ALPK2: variants seen among roughly 807,000 people sequenced by gnomAD.
ALPK2 encodes alpha-protein kinase 2.
ALPK2 carries 127 observed loss-of-function variants against 163.1 expected under a neutral mutation model. That is an observed-to-expected ratio of 0.78 (90% confidence interval 0.67 to 0.90). The LOEUF (loss-of-function observed/expected upper bound fraction) is 0.90. ALPK2 is among the 40% of genes least tolerant of loss of function. ALPK2 has a pLI of 0.00. For synonymous variants in ALPK2, 953 were observed against 959.1 expected, an observed-to-expected ratio of 0.99 and a Z score of 0.12; for missense variants, 2,360 against 2,589.6, an observed-to-expected ratio of 0.91 and a Z score of 1.92.
chr18:58,552,718 G>A (rs948733878), intron 4 of ALPK2, among the ~76,000 whole-genome samples: 7 of 149,184 alleles, frequency 4.7e-5, no homozygotes, highest in Non-Finnish European at 7.5e-5. Flanking sequence ...ACTTAGGGTC[G>A]GCAGGTGTTC....
In ALPK2 at chr18:58,537,630, A is replaced by G. The variant is rs149742465; in HGVS notation, c.2557T>C (p.Cys853Arg). 95 of 1,613,608 alleles carry G rather than the reference A, an allele frequency of 5.9e-5. No individual in the cohort carries two copies. The African/African-American group carries it at 9.3e-4, about 16-fold the overall frequency. ...AEGQNKVSDL[C>R]SSNDKTLEVF... Reference sequence around the variant, plus strand: ...TCCAGTGTCTTGTCATTAGAAGAACATAAATCAGATACTTTGTTTTGACCT... The same window carrying G: ...TCCAGTGTCTTGTCATTAGAAGAACGTAAATCAGATACTTTGTTTTGACCT... Residue 853 changes from cysteine (C) to arginine (R), a missense_variant, in exon 5 of 13, where the codon TGT becomes CGT. Transcript: ENST00000361673.
At chr18:58,516,328 C>T (rs74770545) in intron 9 of ALPK2, among the ~76,000 whole-genome samples, 3,606 of 152,258 alleles carry the variant, frequency 0.024, 62 homozygotes, top group South Asian at 0.044. Flanking sequence ...CCTCTCACCT[C>T]GAGTTCTATG....
chr18:58,510,189 A>G (rs1309418156), intron 10 of ALPK2, among the ~76,000 whole-genome samples: 1 of 152,190 alleles, frequency 6.6e-6, no homozygotes, highest in Non-Finnish European at 1.5e-5. Context: ...ACGATCAGAT[A>G]GTTGTAGATA....
intron 4 of ALPK2, chr18:58,544,396 T>A (rs2051706868): frequency 6.6e-6 from 1 of 152,236 alleles, no homozygotes; most frequent in East Asian, 1.9e-4. Flanking sequence ...GGTTATGCTT[T>A]TCATCATTAA....
Position 58,579,117 on chromosome 18 carries a change from C to G in ALPK2, c.1659G>C (p.Leu553=). Reference sequence around the variant, plus strand: ...GGGTACCTTCTGTTGTACTTTCTCTCAGGTTGGCATTCGGCTTCTTGGGAT... The same window carrying G: ...GGGTACCTTCTGTTGTACTTTCTCTGAGGTTGGCATTCGGCTTCTTGGGAT... ...KGNPKKPNAN[L]RESTTEGTLH... The change falls in exon 4 of 13, where the codon CTG becomes CTC. Residue 553 remains leucine (L), a synonymous_variant. Transcript: ENST00000361673. The G allele has an allele frequency of 2.5e-6, 4 of 1,614,210 alleles. No homozygotes were observed. The highest frequency in any genetic ancestry group is 1.6e-4 in the Middle Eastern group (1 of 6,062).
chr18:58,567,944 G>T (rs1410720117), intron 4 of ALPK2, among the ~76,000 whole-genome samples: 2 of 152,092 alleles, frequency 1.3e-5, no homozygotes, highest in African/African-American at 2.4e-5. Flanking sequence ...TGTCTTTGAG[G>T]TCTCCGCACC....
intron 3 of ALPK2, chr18:58,580,869 G>A (rs140744126): frequency 4.3e-5 from 10 of 234,990 alleles, no homozygotes; most frequent in Non-Finnish European, 8.3e-5. Context: ...TGGTCTAAGA[G>A]GGGGAGAAAC....
Position 58,579,443 on chromosome 18 carries a change from C to G in ALPK2, c.1333G>C (p.Glu445Gln). 1 of 1,614,138 alleles carries G rather than the reference C, an allele frequency of 6.2e-7. No homozygotes were observed. The highest frequency in any genetic ancestry group is 8.5e-7 in the Non-Finnish European group (1 of 1,180,030). ...PHQDGTSSVT[E>Q]QGRYKLPTAP... ...GTGGGGAGTTTATATCTCCCCTGTT[C>G]TGTCACTGAAGACGTTCCATCCTGG... Residue 445 changes from glutamate to glutamine, a missense_variant, in exon 4 of 13, where the codon GAA (glutamate) becomes CAA (glutamine). Glu to Gln is a conservative substitution (Grantham distance 29). Transcript: ENST00000361673.
At chr18:58,582,043 A>AAG (rs1270541119) in intron 3 of ALPK2, among the ~76,000 whole-genome samples, 1 of 152,028 alleles carries the variant, frequency 6.6e-6, no homozygotes, top group Non-Finnish European at 1.5e-5. Flanking sequence ...CAATTTCAAT[A>AAG]ATGTCTTGTT....
intron 2 of ALPK2, among the ~76,000 whole-genome samples, chr18:58,608,585 G>C (rs1175160352): frequency 1.3e-5 from 2 of 152,192 alleles, no homozygotes; most frequent in Non-Finnish European, 2.9e-5. Flanking sequence ...TCTTAGGAAC[G>C]TTCTTGTATT....
At chr18:58,574,294 C>T (rs961639173) in intron 4 of ALPK2, among the ~76,000 whole-genome samples, 22 of 145,556 alleles carry the variant, frequency 1.5e-4, no homozygotes, top group Non-Finnish European at 2.9e-4. Context: ...AAAAAAAAAA[C>T]AAAAATCAGC....
intron 4 of ALPK2, among the ~76,000 whole-genome samples, chr18:58,552,365 A>G (rs2051764380): frequency 6.6e-6 from 1 of 152,164 alleles, no homozygotes; most frequent in Non-Finnish European, 1.5e-5. Flanking sequence ...TGCGCATTCC[A>G]AGATGAATCA....
chr18:58,519,486 T>C (rs188524479), intron 8 of ALPK2, among the ~76,000 whole-genome samples: 44 of 152,318 alleles, frequency 2.9e-4, no homozygotes, highest in Non-Finnish European at 8.8e-5. Context: ...GTGCACCCTA[T>C]GCTTTAAAAT....
At chr18:58,621,712 G>T (rs1474115903) in intron 1 of ALPK2, among the ~76,000 whole-genome samples, 1 of 152,188 alleles carries the variant, frequency 6.6e-6, no homozygotes, top group Non-Finnish European at 1.5e-5. Flanking sequence ...TAAGTGTGGG[G>T]GGTGGAAAGA....
chr18:58,554,405 G>A (rs1198808752), intron 4 of ALPK2, among the ~76,000 whole-genome samples: 1 of 152,150 alleles, frequency 6.6e-6, no homozygotes, highest in Non-Finnish European at 1.5e-5. Context: ...GTAGTGTGAT[G>A]GGCTTCAGAG....
rs7242056 is a variant in ALPK2 at position 58,567,160 on chromosome 18, C to T, written c.1962+11654G>A. On this transcript the variant is annotated intron_variant, in intron 4 of 12. Transcript: ENST00000361673. Reference sequence around the variant, plus strand: ...CAGCACTTTGGGAGGCCGAAGCAGGCAGATCACCTGAGGTCAGGAGTTCGA... The same window carrying T: ...CAGCACTTTGGGAGGCCGAAGCAGGTAGATCACCTGAGGTCAGGAGTTCGA... Among the ~76,000 whole-genome samples the T allele has an allele frequency of 9.5e-3, 1,448 of 151,710 alleles. 18 individuals are homozygous for T. The highest frequency in any genetic ancestry group is 0.034 in the African/African-American group (1,395 of 41,302).
chr18:58,589,452 C>T (rs1185344946), intron 3 of ALPK2, among the ~76,000 whole-genome samples: 1 of 152,092 alleles, frequency 6.6e-6, no homozygotes, highest in Non-Finnish European at 1.5e-5. Flanking sequence ...AAGAACTAAG[C>T]AGGACAAGAA....
chr18:58,519,426 C>G (rs887996748), intron 8 of ALPK2, among the ~76,000 whole-genome samples: 2 of 152,106 alleles, frequency 1.3e-5, no homozygotes, highest in African/African-American at 4.8e-5. Context: ...TCCTGTCTTC[C>G]TTCAAAATCC....
At chr18:58,626,313 C>T (rs1306346898) in intron 1 of ALPK2, among the ~76,000 whole-genome samples, 1 of 152,164 alleles carries the variant, frequency 6.6e-6, no homozygotes, top group Non-Finnish European at 1.5e-5. Flanking sequence ...GTACTTTTAT[C>T]ACTGACCCCG....
Sources: allele counts gnomAD v4.1 joint callset (sites outside exome capture counted in the v4.1 genomes callset), GRCh38; gene constraint gnomAD v4.1.1; transcripts MANE v1.5; gene names NCBI Gene and HGNC (gene_info 2026-07-23, HGNC 2026-07-21).